The following RNF121 variants were observed in gnomAD, a reference collection of about 807,000 sequenced individuals.
The protein encoded by RNF121 is ring finger protein 121.
A neutral mutation model predicts 46.5 loss-of-function variants in RNF121; 21 were observed. The observed-to-expected ratio is 0.45, with a 90% CI of 0.32 to 0.65. The LOEUF (loss-of-function observed/expected upper bound fraction) is 0.65, where lower values mean the gene tolerates loss of function less well. Among genes scored for constraint, RNF121 ranks in the 30% least tolerant of loss-of-function variants. RNF121 has a pLI of 0.04. For missense variants in RNF121, 346 were observed against 416.0 expected (o/e 0.83, Z 1.46); for synonymous variants, 139 against 144.7 (o/e 0.96, Z 0.28).
At chr11:71,966,455 T>A (rs904101411) in intron 3 of RNF121, among the ~76,000 whole-genome samples, 2 of 152,148 alleles carry the variant, frequency 1.3e-5, no homozygotes, top group Non-Finnish European at 2.9e-5. Flanking sequence ...CAACTACTTT[T>A]ATTAATAACT....
intron 4 of RNF121, among the ~76,000 whole-genome samples, chr11:71,983,382 A>G (rs1351844046): frequency 6.6e-6 from 1 of 152,202 alleles, no homozygotes; most frequent in African/African-American, 2.4e-5. Context: ...TTTGTTTGTC[A>G]CTGTATATTC....
At chr11:71,965,870 G>GTA (rs1954265203) in intron 3 of RNF121, among the ~76,000 whole-genome samples, 1 of 152,202 alleles carries the variant, frequency 6.6e-6, no homozygotes, top group Non-Finnish European at 1.5e-5. Context: ...GGTATAGTCA[G>GTA]TATTTTTAAT....
At chr11:71,979,209 G>C (rs942432320) in intron 3 of RNF121, among the ~76,000 whole-genome samples, 8 of 152,160 alleles carry the variant, frequency 5.3e-5, no homozygotes, top group African/African-American at 1.9e-4. Flanking sequence ...AACTTAGCCT[G>C]TTAGAACTTG....
chr11:71,957,397 G>C, intron 2 of RNF121, 133 bp downstream of exon 2: 2 of 739,630 alleles, frequency 2.7e-6, no homozygotes, highest in Admixed American at 1.9e-5. Flanking sequence ...CTGGTCTTTT[G>C]GGATCTCTCT....
chr11:71,942,148 T>C (rs952694152), intron 1 of RNF121, among the ~76,000 whole-genome samples: 2 of 151,958 alleles, frequency 1.3e-5, no homozygotes, highest in Non-Finnish European at 2.9e-5. Context: ...TTAGCCAGGA[T>C]GGTCTCAATC....
At chr11:71,986,895 C>G in intron 4 of RNF121, 109 bp from the exon 5 acceptor site, 1 of 704,632 alleles carries the variant, frequency 1.4e-6, no homozygotes, top group Non-Finnish European at 2.6e-6. Flanking sequence ...AAGTCCTGAG[C>G]AAAGACCCTG....
At chr11:71,931,126 C>T (rs186684889) in intron 1 of RNF121, among the ~76,000 whole-genome samples, 115 of 152,254 alleles carry the variant, frequency 7.6e-4, no homozygotes, top group South Asian at 7.3e-3. Context: ...TGAGTCACCG[C>T]GCCCGGCTAA....
chr11:71,993,543 A>G (rs1489537896), intron 6 of RNF121, among the ~76,000 whole-genome samples: 1 of 152,160 alleles, frequency 6.6e-6, no homozygotes, highest in Non-Finnish European at 1.5e-5. Flanking sequence ...ATTCCTTTAT[A>G]TGGCTGAATA....
chr11:71,952,413 A>G (rs1953902246), intron 1 of RNF121, among the ~76,000 whole-genome samples: 1 of 152,212 alleles, frequency 6.6e-6, no homozygotes, highest in South Asian at 2.1e-4. Context: ...CAACTTTGTG[A>G]ATATACTAAA....
intron 1 of RNF121, among the ~76,000 whole-genome samples, chr11:71,951,617 C>CTA (rs768683639): frequency 7.1e-6 from 1 of 140,850 alleles, no homozygotes; most frequent in Non-Finnish European, 1.5e-5. Context: ...AGCCTGGGCA[C>CTA]TATAGCAAGA....
intron 3 of RNF121, among the ~76,000 whole-genome samples, chr11:71,968,890 T>TTC (rs1303596058): frequency 3.4e-5 from 5 of 147,250 alleles, no homozygotes; most frequent in Admixed American, 6.8e-5. Context: ...CTTTCTTTCT[T>TTC]TTTTTTTTTT....
intron 3 of RNF121, among the ~76,000 whole-genome samples, chr11:71,981,035 C>T (rs1312110852): frequency 2.6e-5 from 4 of 151,954 alleles, no homozygotes; most frequent in African/African-American, 7.3e-5. Context: ...GTCTAGAAAT[C>T]CCTAAGAGTA....
chr11:71,967,359 T>TG (rs1262960428), intron 3 of RNF121, among the ~76,000 whole-genome samples: 7 of 137,678 alleles, frequency 5.1e-5, no homozygotes, highest in Non-Finnish European at 7.9e-5. Context: ...GTTTTTTTTT[T>TG]TTTTTTTTGA....
chr11:71,975,489 C>T (rs1401284308), intron 3 of RNF121, among the ~76,000 whole-genome samples: 1 of 152,206 alleles, frequency 6.6e-6, no homozygotes, highest in Admixed American at 6.5e-5. Flanking sequence ...CTTCAGGCAG[C>T]CTTCCTTGGA....
At chr11:71,978,268 T>C (rs1954574059) in intron 3 of RNF121, 6 of 403,904 alleles carry the variant, frequency 1.5e-5, no homozygotes, top group Admixed American at 1.2e-4. Flanking sequence ...GGTAGACTGT[T>C]CTGTTCACTC....
intron 4 of RNF121, among the ~76,000 whole-genome samples, chr11:71,985,921 C>T (rs1217615338): frequency 6.6e-6 from 1 of 151,230 alleles, no homozygotes; most frequent in Non-Finnish European, 1.5e-5. Context: ...TGCAAGACCC[C>T]ATCTCTAGCC....
intron 5 of RNF121, among the ~76,000 whole-genome samples, chr11:71,988,338 G>A (rs1230980134): frequency 6.6e-6 from 1 of 152,148 alleles, no homozygotes; most frequent in Non-Finnish European, 1.5e-5. Flanking sequence ...ATGAAATACT[G>A]GTGGCTGTGG....
intron 1 of RNF121, among the ~76,000 whole-genome samples, chr11:71,948,602 G>A (rs1953784898): frequency 6.6e-6 from 1 of 151,350 alleles, no homozygotes; most frequent in Admixed American, 6.6e-5. Context: ...TAAAGGGCAG[G>A]CAGCAGCTGT....
intron 3 of RNF121, among the ~76,000 whole-genome samples, chr11:71,966,654 A>G (rs563648582): frequency 1.3e-5 from 2 of 150,702 alleles, no homozygotes; most frequent in Admixed American, 6.6e-5. Context: ...GCTAATATAT[A>G]TATATTTTAA....
Sources: gnomAD v4.1 joint callset for allele counts (sites outside exome capture counted in the v4.1 genomes callset) on GRCh38, gnomAD v4.1.1 for gene constraint, MANE v1.5 for transcripts, NCBI Gene and HGNC (gene_info 2026-07-23, HGNC 2026-07-21) for gene names.